KMT2C: variants seen among roughly 807,000 people sequenced by gnomAD.
The protein encoded by KMT2C is histone-lysine N-methyltransferase 2C.
In KMT2C, 88 loss-of-function variants were observed where a neutral mutation model predicts 507.9. The ratio of observed to expected loss-of-function variants is 0.17; its 90% CI spans 0.15 to 0.21. KMT2C has a LOEUF of 0.21. Ranked by LOEUF, KMT2C falls within the 10% of genes least tolerant of loss-of-function variation. The pLI, the probability that KMT2C is intolerant of heterozygous loss-of-function variation, is 1.00. For missense variants in KMT2C, 4,954 were observed against 5,957.8 expected (o/e 0.83, Z 5.55); for synonymous variants, 2,049 against 2,080.8 (o/e 0.98, Z 0.42).
chr7:152,213,658 T>C lies in KMT2C; in HGVS notation c.3713-6230A>G, dbSNP rs562771449. Reference sequence around the variant, plus strand: ...AACTCCTTGATATCCTCCTTGACAATGATTTTTTGGATATCACACCAAAAG... The same window carrying C: ...AACTCCTTGATATCCTCCTTGACAACGATTTTTTGGATATCACACCAAAAG... On this transcript the variant is annotated intron_variant, in intron 23 of 58. Transcript: ENST00000262189. 5.9e-5 allele frequency among the ~76,000 whole-genome samples: 9 copies of C among 151,818 alleles called. No homozygotes were observed. The South Asian group carries it at 1.9e-3, about 31-fold the overall frequency.
In KMT2C at chr7:152,167,468, C is replaced by G; in HGVS notation, c.9518-90G>C. 8 of 778,676 alleles carry G rather than the reference C, an allele frequency of 1.0e-5. No individual in the cohort carries two copies. In the South Asian group the frequency reaches 1.4e-4, roughly 13 times the overall value. The allele number at this position is 778,676 out of a possible 1,614,324, so 48.2% of individuals were successfully genotyped here. A position where few individuals can be genotyped will look rare whatever the true frequency, so the allele number is the denominator to read the frequency against. On this transcript the variant is annotated intron_variant, in intron 41 of 58. Coordinates refer to ENST00000262189, the MANE Select transcript of KMT2C (RefSeq NM_170606.3). ...AATCTATTTTGTAAGGAAGTAGTTT[C>G]ACCATGACCACATAATAGGAAATTT...
chr7:152,155,496 G>A (rs1257348001), intron 46 of KMT2C, among the ~76,000 whole-genome samples: 4 of 152,086 alleles, frequency 2.6e-5, no homozygotes, highest in African/African-American at 4.8e-5. Flanking sequence ...CCACGACGGC[G>A]TTCTCTGATA....
rs773683874 is a variant in KMT2C at position 152,162,537 on chromosome 7, T to C, written c.11040A>G (p.Leu3680=). The C allele has an allele frequency of 6.2e-7, 1 of 1,614,246 alleles. No individual in the cohort carries two copies. Among genetic ancestry groups the C allele is most frequent in the South Asian group, 1.1e-5 (1 of 91,084 alleles). The stretch of plus-strand genomic sequence containing the variant: ...AATCACTATTGGGCAGTTTGTTCTC[T>C]AATTCTGTACATAGCTGGCCTGCTG... ...NMAAGQLCTE[L]ENKLPNSDFS... is the part of the protein sequence containing the mutation. Residue 3680 remains leucine, a synonymous_variant, in exon 43 of 59, where the codon TTA becomes TTG. Transcript: ENST00000262189.
chr7:152,364,609 C>CAAAAAAAAAAAAAAAAAAAA (rs568794506), intron 1 of KMT2C, among the ~76,000 whole-genome samples: 1 of 90,834 alleles, frequency 1.1e-5, no homozygotes, highest in African/African-American at 4.9e-5. Context: ...ACTCCGTCTC[C>CAAAAAAAAAAAAAAAAAAAA]AAAAAAAAAA....
At chr7:152,359,962 T>A (rs185101183) in intron 1 of KMT2C, among the ~76,000 whole-genome samples, 1 of 146,052 alleles carries the variant, frequency 6.8e-6, no homozygotes, top group East Asian at 2.1e-4. Flanking sequence ...GGCACAAGAA[T>A]CGCTTGAACC....
chr7:152,422,284 TAAAAAA>T (rs11423616), intron 1 of KMT2C, among the ~76,000 whole-genome samples: 1 of 97,402 alleles, frequency 1.0e-5, no homozygotes, highest in Non-Finnish European at 2.2e-5. Context: ...CAGTCTCTAC[TAAAAAA>T]AAAAAAAAAA....
intron 7 of KMT2C, among the ~76,000 whole-genome samples, chr7:152,267,387 AATAG>A (rs1387537070): frequency 3.9e-5 from 6 of 152,230 alleles, no homozygotes; most frequent in Admixed American, 6.5e-5. Context: ...TTTTCTCAAG[AATAG>A]ATAAAGGCAG....
intron 40 of KMT2C, among the ~76,000 whole-genome samples, 156 bp downstream of exon 40, chr7:152,171,108 G>T (rs117573601): frequency 2.0e-5 from 3 of 152,270 alleles, no homozygotes; most frequent in Non-Finnish European, 4.4e-5. Context: ...AAGTAATTGC[G>T]GTTTTTGCCA....
At chr7:152,362,329 A>C (rs2097203830) in intron 1 of KMT2C, among the ~76,000 whole-genome samples, 1 of 152,102 alleles carries the variant, frequency 6.6e-6, no homozygotes, top group Non-Finnish European at 1.5e-5. Flanking sequence ...GACAAGAAGG[A>C]TATACGGTGG....
chr7:152,151,633 T>A, intron 49 of KMT2C, 52 bp from the exon 50 acceptor site: 1 of 1,523,456 alleles, frequency 6.6e-7, no homozygotes, highest in Non-Finnish European at 9.0e-7. Context: ...TGACACAAGG[T>A]GGCACATGGT....
chr7:152,373,380 G>T (rs1372729905), intron 1 of KMT2C, among the ~76,000 whole-genome samples: 1 of 152,114 alleles, frequency 6.6e-6, no homozygotes, highest in Non-Finnish European at 1.5e-5. Flanking sequence ...AAGAGTAGAT[G>T]GTTCTATAAC....
intron 18 of KMT2C, among the ~76,000 whole-genome samples, chr7:152,228,824 T>C (rs2095018438): frequency 6.6e-6 from 1 of 152,196 alleles, no homozygotes; most frequent in Non-Finnish European, 1.5e-5. Context: ...CTCTATTTTT[T>C]AATTGGCTTT....
At chr7:152,400,529 T>C (rs1373456733) in intron 1 of KMT2C, among the ~76,000 whole-genome samples, 1 of 152,174 alleles carries the variant, frequency 6.6e-6, no homozygotes, top group Non-Finnish European at 1.5e-5. Context: ...TATCCGACTT[T>C]TCCTCACCAA....
chr7:152,279,383 C>T (rs1473960128), intron 6 of KMT2C, among the ~76,000 whole-genome samples: 8 of 151,984 alleles, frequency 5.3e-5, no homozygotes, highest in African/African-American at 1.9e-4. Context: ...AAATAATGCC[C>T]AATTCAAAAA....
rs1344781706 is a variant in KMT2C, at chr7:152,290,271, TATATATATATATATATATATA to T, written c.850-16425_850-16405del. Among the ~76,000 whole-genome samples the T allele has an allele frequency of 8.2e-3, 246 of 29,950 alleles. 1 individual carries two copies. Among genetic ancestry groups the T allele is most frequent in the Non-Finnish European group, 0.012 (183 of 15,832 alleles). 19.6% of individuals were successfully genotyped at this position (29,950 alleles called of 152,430 possible). A position where few individuals can be genotyped will look rare whatever the true frequency, so the allele number is the denominator to read the frequency against. Reference sequence around the variant, plus strand: ...GTGTGTGTATGTGTATATATATATATATATATATATATATATATATATATTTTTTTTTTTTTTTTTTTTTTT... The same window carrying T: ...GTGTGTGTATGTGTATATATATATATTATTTTTTTTTTTTTTTTTTTTTTT... On this transcript the variant is annotated intron_variant, in intron 6 of 58. Transcript: ENST00000262189.
intron 1 of KMT2C, among the ~76,000 whole-genome samples, chr7:152,370,698 G>C (rs2129240831): frequency 6.6e-6 from 1 of 152,274 alleles, no homozygotes; most frequent in South Asian, 2.1e-4. Flanking sequence ...TGCTACACTT[G>C]TTCAATATTC....
chr7:152,166,659 C>A (rs2092741501), intron 42 of KMT2C, among the ~76,000 whole-genome samples: 1 of 151,974 alleles, frequency 6.6e-6, no homozygotes, highest in Admixed American at 6.6e-5. Context: ...TATTTTAAGA[C>A]CAAAACATTA....
At chr7:152,336,206 A>T (rs555820631) in intron 2 of KMT2C, among the ~76,000 whole-genome samples, 9 of 152,318 alleles carry the variant, frequency 5.9e-5, no homozygotes, top group African/African-American at 2.2e-4. Flanking sequence ...CAAAATAGGA[A>T]CAAACAACAA....
chr7:152,317,923 A>G (rs1198929954), intron 3 of KMT2C, among the ~76,000 whole-genome samples: 1 of 150,932 alleles, frequency 6.6e-6, no homozygotes, highest in Non-Finnish European at 1.5e-5. Context: ...GGCAGATCAC[A>G]GGTCTGGAGT....
Sources: allele counts gnomAD v4.1 joint callset (sites outside exome capture counted in the v4.1 genomes callset), GRCh38; gene constraint gnomAD v4.1.1; transcripts MANE v1.5; gene names NCBI Gene and HGNC (gene_info 2026-07-23, HGNC 2026-07-21).